Variants in GMDS observed in about 807,000 individuals in gnomAD.
The protein encoded by GMDS is GDP-mannose 4,6-dehydratase.
Under a neutral mutation model 49.9 loss-of-function variants are expected in GMDS, and 20 were observed. The ratio of observed to expected loss-of-function variants is 0.40; its 90% CI spans 0.28 to 0.58. GMDS has a LOEUF of 0.58. Among genes scored for constraint, GMDS ranks in the 20% least tolerant of loss-of-function variants. The pLI, the probability that GMDS is intolerant of heterozygous loss-of-function variation, is 0.42. For synonymous variants in GMDS, 177 were observed against 178.6 expected (o/e 0.99, Z 0.07); for missense variants, 362 against 481.4 (o/e 0.75, Z 2.32).
intron 1 of GMDS, among the ~76,000 whole-genome samples, chr6:2,243,468 A>T (rs1166018991): frequency 6.6e-6 from 1 of 152,190 alleles, no homozygotes; most frequent in East Asian, 1.9e-4. Context: ...CTAAAATAAA[A>T]TCTCTACTTT....
chr6:2,030,363 G>A (rs1401333533), intron 4 of GMDS, among the ~76,000 whole-genome samples: 2 of 152,190 alleles, frequency 1.3e-5, no homozygotes, highest in African/African-American at 4.8e-5. Context: ...TGGTTGTAAA[G>A]CACCTGGAGG....
intron 4 of GMDS, among the ~76,000 whole-genome samples, chr6:2,046,748 T>C (rs1412149579): frequency 6.6e-6 from 1 of 152,196 alleles, no homozygotes; most frequent in African/African-American, 2.4e-5. Context: ...AGCTACAATG[T>C]TTCTTGAATT....
In GMDS at chr6:2,239,086, T is replaced by C. The variant is rs187554571; in HGVS notation, c.102+6235A>G. Among the ~76,000 whole-genome samples, 104 of 152,284 alleles carry C rather than the reference T, an allele frequency of 6.8e-4. No individual in the cohort carries two copies. The East Asian group carries it at 0.015, about 23-fold the overall frequency. On this transcript the variant is annotated intron_variant, in intron 1 of 10. Coordinates refer to ENST00000380815, the MANE Select transcript of GMDS (RefSeq NM_001500.4). ...GCTCACGCCTATAATCCCAGCACTT[T>C]GGGAGGCCAAGGTGGGCGGATGACT...
chr6:1,623,811 G>C lies in GMDS; in HGVS notation c.*358C>G, dbSNP rs1762760864. On this transcript the variant is annotated 3_prime_UTR_variant, in exon 11 of 11. Coordinates refer to ENST00000380815, the MANE Select transcript of GMDS (RefSeq NM_001500.4). ...ATCCACACTGACCCTGTGAATGCTA[G>C]TTCACAGAAAGACCATTTTTAATAT... The C allele has an allele frequency of 7.2e-6, 2 of 275,902 alleles. No individual in the cohort carries two copies. Among genetic ancestry groups the C allele is most frequent in the Admixed American group, 9.6e-5 (2 of 20,776 alleles). 17.1% of individuals were successfully genotyped at this position (275,902 alleles called of 1,614,324 possible).
rs375922537 is a variant in GMDS, at chr6:1,892,002, T to C, written c.771+38101A>G. On this transcript the variant is annotated intron_variant, in intron 7 of 10. Coordinates refer to ENST00000380815, the MANE Select transcript of GMDS (RefSeq NM_001500.4). ...AGGATCCATGCTTAACTTCTGAAGG[T>C]AGCATAGGCTTTTGAAATTATTCAA... Among the ~76,000 whole-genome samples, 3 of 152,350 alleles carry C rather than the reference T, an allele frequency of 2.0e-5. No homozygotes were observed. In the East Asian group the frequency reaches 5.8e-4, roughly 29 times the overall value.
At chr6:2,020,007 T>C (rs967789819) in intron 4 of GMDS, among the ~76,000 whole-genome samples, 1 of 152,212 alleles carries the variant, frequency 6.6e-6, no homozygotes, top group Non-Finnish European at 1.5e-5. Flanking sequence ...TTTTGGATTT[T>C]TGCATCTATT....
At position 2,174,442 on chromosome 6, in the gene GMDS, T is replaced by TAA. The variant is rs1778169355; in HGVS notation, c.103-49713_103-49712dup. Among the ~76,000 whole-genome samples, 4 of 152,332 alleles carry TAA rather than the reference T, an allele frequency of 2.6e-5. 2 individuals are homozygous for TAA. In the South Asian group the frequency reaches 8.3e-4, roughly 32 times the overall value. ...GCTTGCAGAGTATCTAAATCAAGGA[T>TAA]AAAGACCATGCTAAATTTTTTAAAA... On this transcript the variant is annotated intron_variant, in intron 1 of 10. Transcript: ENST00000380815.
chr6:1,633,738 G>A (rs978647974), intron 9 of GMDS, among the ~76,000 whole-genome samples: 7 of 152,160 alleles, frequency 4.6e-5, no homozygotes, highest in African/African-American at 1.7e-4. Flanking sequence ...GGGGAGTGAC[G>A]GGGAGAGGAG....
intron 9 of GMDS, among the ~76,000 whole-genome samples, chr6:1,700,538 G>A (rs1765506749): frequency 6.6e-6 from 1 of 152,116 alleles, no homozygotes; most frequent in Non-Finnish European, 1.5e-5. Context: ...TGGTTCCGAG[G>A]CACCCTCAGC....
chr6:2,066,475 A>G (rs1297295591), intron 4 of GMDS, among the ~76,000 whole-genome samples: 3 of 151,488 alleles, frequency 2.0e-5, no homozygotes, highest in South Asian at 4.2e-4. Context: ...AGACTGGCAA[A>G]TTGGATAAAG....
intron 7 of GMDS, among the ~76,000 whole-genome samples, chr6:1,917,821 C>G (rs1385146504): frequency 3.3e-5 from 5 of 152,170 alleles, no homozygotes; most frequent in Admixed American, 2.6e-4. Context: ...AACACAGGCA[C>G]CCACAGACTA....
At chr6:1,816,833 G>T (rs1253961410) in intron 7 of GMDS, among the ~76,000 whole-genome samples, 1 of 150,350 alleles carries the variant, frequency 6.7e-6, no homozygotes, top group Admixed American at 6.6e-5. Context: ...CTTTCTTTTT[G>T]TCTGCTGACC....
intron 4 of GMDS, among the ~76,000 whole-genome samples, chr6:2,084,538 GCT>G (rs1007005018): frequency 9.9e-5 from 15 of 151,568 alleles, no homozygotes; most frequent in African/African-American, 2.7e-4. Context: ...ACGGAGTCTT[GCT>G]CTGTCACCCA....
At chr6:2,197,990 C>T (rs1230934930) in intron 1 of GMDS, among the ~76,000 whole-genome samples, 2 of 152,200 alleles carry the variant, frequency 1.3e-5, no homozygotes, top group African/African-American at 4.8e-5. Context: ...CATTTACCAT[C>T]GGGGAGACAC....
intron 4 of GMDS, among the ~76,000 whole-genome samples, chr6:2,067,677 A>C (rs1374129199): frequency 2.6e-5 from 4 of 152,146 alleles, no homozygotes; most frequent in Admixed American, 6.5e-5. Flanking sequence ...GAAACAGATA[A>C]ATTCCTCGAC....
chr6:2,061,776 A>C (rs1173462952), intron 4 of GMDS, among the ~76,000 whole-genome samples: 1 of 151,936 alleles, frequency 6.6e-6, no homozygotes, highest in African/African-American at 2.4e-5. Context: ...ATTATTTGAA[A>C]CTACCTCAGT....
At chr6:2,141,627 A>G (rs1453593353) in intron 1 of GMDS, among the ~76,000 whole-genome samples, 2 of 152,162 alleles carry the variant, frequency 1.3e-5, no homozygotes, top group African/African-American at 4.8e-5. Context: ...AGGGGAAGAA[A>G]CTACTGCCGT....
chr6:2,077,226 C>G (rs1772398551), intron 4 of GMDS, among the ~76,000 whole-genome samples: 1 of 152,034 alleles, frequency 6.6e-6, no homozygotes, highest in Admixed American at 6.5e-5. Context: ...ATCACGTCAT[C>G]TCAAAGGTAA....
intron 2 of GMDS, among the ~76,000 whole-genome samples, chr6:2,123,803 C>A (rs1157913926): frequency 3.3e-5 from 5 of 152,180 alleles, no homozygotes; most frequent in African/African-American, 1.2e-4. Flanking sequence ...AACATATCTA[C>A]TGTTACTTCT....
Sources: gnomAD v4.1 joint callset for allele counts (sites outside exome capture counted in the v4.1 genomes callset) on GRCh38, gnomAD v4.1.1 for gene constraint, MANE v1.5 for transcripts, NCBI Gene and HGNC (gene_info 2026-07-23, HGNC 2026-07-21) for gene names.